Variants in PIP4K2A observed in about 807,000 individuals in gnomAD.
The protein encoded by PIP4K2A is phosphatidylinositol-5-phosphate 4-kinase type 2 alpha, also known as phosphatidylinositol 5-phosphate 4-kinase type-2 alpha.
Under a neutral mutation model 42.9 loss-of-function variants are expected in PIP4K2A, and 14 were observed. The observed-to-expected ratio is 0.33, with a 90% CI of 0.22 to 0.51. PIP4K2A has a LOEUF of 0.51. Ranked by LOEUF, PIP4K2A falls within the 20% of genes least tolerant of loss-of-function variation. The pLI, the probability that PIP4K2A is intolerant of heterozygous loss-of-function variation, is 0.97. For missense variants in PIP4K2A, 434 were observed against 519.8 expected (o/e 0.83, Z 1.61); for synonymous variants, 192 against 192.2 (o/e 1.00, Z 0.01).
intron 6 of PIP4K2A, among the ~76,000 whole-genome samples, chr10:22,556,939 A>G (rs114690275): frequency 7.2e-4 from 109 of 152,344 alleles, no homozygotes; most frequent in African/African-American, 2.4e-3. Flanking sequence ...AATACAGGTC[A>G]TGGTCAAAAA....
chr10:22,699,734 T>C (rs956352296), intron 1 of PIP4K2A, among the ~76,000 whole-genome samples: 6 of 152,170 alleles, frequency 3.9e-5, no homozygotes, highest in African/African-American at 1.4e-4. Context: ...ATATAGTTGT[T>C]CAAAATACAT....
chr10:22,550,242 G>C (rs886270892), intron 7 of PIP4K2A, among the ~76,000 whole-genome samples: 1 of 152,200 alleles, frequency 6.6e-6, no homozygotes, highest in Non-Finnish European at 1.5e-5. Flanking sequence ...TTGTGCTTTA[G>C]AGGGAAAAGT....
At chr10:22,661,223 C>T (rs111715410) in intron 1 of PIP4K2A, among the ~76,000 whole-genome samples, 69 of 152,282 alleles carry the variant, frequency 4.5e-4, no homozygotes, top group African/African-American at 1.5e-3. Context: ...ACTGTTAACT[C>T]CAAGTGCCTA....
intron 6 of PIP4K2A, among the ~76,000 whole-genome samples, chr10:22,556,348 T>A (rs1258249559): frequency 2.0e-5 from 3 of 152,164 alleles, no homozygotes; most frequent in Non-Finnish European, 4.4e-5. Flanking sequence ...TGTGATCACC[T>A]GCAAAAGCTA....
rs1258845687 is a variant in PIP4K2A, at chr10:22,664,077, G to GTA, written c.144+50104_144+50105dup. 5.2e-3 allele frequency among the ~76,000 whole-genome samples: 196 copies of GTA among 37,700 alleles called. 4 individuals carry two copies. The highest frequency in any genetic ancestry group is 0.024 in the African/African-American group (117 of 4,948). The allele number at this position is 37,700 out of a possible 152,430, so 24.7% of individuals were successfully genotyped here. On this transcript the variant is annotated intron_variant, in intron 1 of 9. Coordinates refer to ENST00000376573, the MANE Select transcript of PIP4K2A (RefSeq NM_005028.5). ...TGTATATATACATATATATATATAC[G>GTA]TATATATATATACATATATATATAT...
chr10:22,564,333 A>G (rs1485066155), intron 6 of PIP4K2A, among the ~76,000 whole-genome samples: 1 of 152,182 alleles, frequency 6.6e-6, no homozygotes, highest in Non-Finnish European at 1.5e-5. Context: ...TCAGAGCAGG[A>G]CCAAGCACTT....
chr10:22,706,605 G>A (rs1179770831), intron 1 of PIP4K2A, among the ~76,000 whole-genome samples: 1 of 152,124 alleles, frequency 6.6e-6, no homozygotes. Context: ...GTCCCCTGTA[G>A]TTATGCACAA....
rs982172103 is a variant in PIP4K2A at position 22,629,284 on chromosome 10, A to G, written c.145-19567T>C. Among the ~76,000 whole-genome samples, 5 of 152,190 alleles carry G rather than the reference A, an allele frequency of 3.3e-5. No individual in the cohort carries two copies. In the East Asian group the frequency reaches 7.7e-4, roughly 23 times the overall value. On this transcript the variant is annotated intron_variant, in intron 1 of 9. Transcript: ENST00000376573. ...ATGCTTCATTTAATATTTTACTTTTATGTGGTTAAAGGTCCACCATACTTG... is the reference window on the plus strand; with the variant it reads ...ATGCTTCATTTAATATTTTACTTTTGTGTGGTTAAAGGTCCACCATACTTG...
chr10:22,681,991 A>G (rs1839671656), intron 1 of PIP4K2A, among the ~76,000 whole-genome samples: 1 of 152,132 alleles, frequency 6.6e-6, no homozygotes, highest in Non-Finnish European at 1.5e-5. Context: ...ACTTTTTTAG[A>G]AAACCATTTT....
At chr10:22,686,362 G>T (rs1839764567) in intron 1 of PIP4K2A, among the ~76,000 whole-genome samples, 1 of 152,260 alleles carries the variant, frequency 6.6e-6, no homozygotes, top group East Asian at 1.9e-4. Flanking sequence ...TCCTTTCAGG[G>T]TTCTGAAAAC....
chr10:22,685,321 A>C (rs1024016289), intron 1 of PIP4K2A, among the ~76,000 whole-genome samples: 1 of 152,212 alleles, frequency 6.6e-6, no homozygotes, highest in African/African-American at 2.4e-5. Flanking sequence ...ATACTAAAAA[A>C]TTTCAGAAGA....
At chr10:22,676,602 G>A (rs1474120320) in intron 1 of PIP4K2A, among the ~76,000 whole-genome samples, 2 of 152,100 alleles carry the variant, frequency 1.3e-5, no homozygotes, top group African/African-American at 2.4e-5. Context: ...CTAACCAGAG[G>A]GAATATCTGG....
rs8341 is a variant in PIP4K2A, at chr10:22,536,204, T to G, written c.*997A>C. ...ACATCTTATAATTCAGATCTGCATT[T>G]GGTAACAGGAGAATTGAGAGTTTTG... On this transcript the variant is annotated 3_prime_UTR_variant, in exon 10 of 10. Coordinates refer to ENST00000376573, the MANE Select transcript of PIP4K2A (RefSeq NM_005028.5). The G allele has an allele frequency of 2.5e-6, 1 of 397,932 alleles. No individual in the cohort carries two copies. The highest frequency in any genetic ancestry group is 4.4e-5 in the Admixed American group (1 of 22,704). 24.7% of individuals were successfully genotyped at this position (397,932 alleles called of 1,614,324 possible).
intron 1 of PIP4K2A, among the ~76,000 whole-genome samples, chr10:22,702,955 G>A (rs1833743402): frequency 6.6e-6 from 1 of 152,192 alleles, no homozygotes. Context: ...CAATAAAAAT[G>A]TACACAACTC....
chr10:22,624,202 G>A (rs190822722), intron 1 of PIP4K2A, among the ~76,000 whole-genome samples: 12 of 152,278 alleles, frequency 7.9e-5, no homozygotes, highest in Non-Finnish European at 1.8e-4. Context: ...TGATTAACAT[G>A]TAGAAGCTTC....
At chr10:22,674,132 C>A (rs1401451703) in intron 1 of PIP4K2A, among the ~76,000 whole-genome samples, 1 of 152,154 alleles carries the variant, frequency 6.6e-6, no homozygotes, top group Admixed American at 6.5e-5. Flanking sequence ...CTATTTCATG[C>A]AGACTAACAA....
chr10:22,643,694 C>T (rs895472285), intron 1 of PIP4K2A, among the ~76,000 whole-genome samples: 1 of 152,126 alleles, frequency 6.6e-6, no homozygotes, highest in African/African-American at 2.4e-5. Flanking sequence ...TTCTGATTGT[C>T]CCCAAGGACC....
chr10:22,548,352 A>T, intron 7 of PIP4K2A, among the ~76,000 whole-genome samples: 1 of 152,216 alleles, frequency 6.6e-6, no homozygotes, highest in East Asian at 1.9e-4. Context: ...ACAACAAAAG[A>T]GCTAAGAGGA....
At chr10:22,617,171 G>A (rs758260631) in intron 1 of PIP4K2A, among the ~76,000 whole-genome samples, 5 of 152,096 alleles carry the variant, frequency 3.3e-5, no homozygotes, top group South Asian at 2.1e-4. Flanking sequence ...TTGTTTTTTC[G>A]TGTGAGACTG....
Sources: gnomAD v4.1 joint callset for allele counts (sites outside exome capture counted in the v4.1 genomes callset) on GRCh38, gnomAD v4.1.1 for gene constraint, MANE v1.5 for transcripts, NCBI Gene and HGNC (gene_info 2026-07-23, HGNC 2026-07-21) for gene names.